The following SLC7A14 variants were observed in gnomAD, a reference collection of about 807,000 sequenced individuals.
SLC7A14 encodes the protein gamma-aminobutyric acid transporter SLC7A14.
Under a neutral mutation model 60.2 loss-of-function variants are expected in SLC7A14, and 37 were observed. The ratio of observed to expected loss-of-function variants is 0.61; its 90% CI spans 0.47 to 0.81. The LOEUF is 0.81. Among genes scored for constraint, SLC7A14 ranks in the 30% least tolerant of loss-of-function variants. The pLI is 0.00. For missense variants in SLC7A14, 886 were observed against 982.7 expected (o/e 0.90, Z 1.32); for synonymous variants, 399 against 395.8 (o/e 1.01, Z -0.10).
At chr3:170,497,318 A>C (rs1220480351) in intron 4 of SLC7A14, among the ~76,000 whole-genome samples, 3 of 152,142 alleles carry the variant, frequency 2.0e-5, no homozygotes. Context: ...TATTCATTTC[A>C]AAGAGGAGGG....
chr3:170,519,855 C>T (rs1213201241), intron 2 of SLC7A14, among the ~76,000 whole-genome samples: 1 of 152,168 alleles, frequency 6.6e-6, no homozygotes, highest in Non-Finnish European at 1.5e-5. Flanking sequence ...TTCTTTCTGC[C>T]TTCTGGAACT....
rs753289366 is a variant in SLC7A14 at position 170,467,079 on chromosome 3, A to T, written c.2292T>A (p.Asp764Glu). The change falls in exon 8 of 8, where the codon GAT becomes GAA. Residue 764 changes from aspartate to glutamate, a missense_variant. By Grantham distance (45) the Asp-to-Glu change is conservative. Transcript: ENST00000231706. ...CCTACTCTGGAGAGTAATCTAACTC[A>T]TCATTTGCAATCAGGGCCTCTGAGT... ...KQNSEALIAN[D>E]ELDYSPE is the part of the protein sequence containing the mutation. 3 of 1,612,406 alleles carry T rather than the reference A, an allele frequency of 1.9e-6. No individual in the cohort carries two copies. The Admixed American group carries it at 5.0e-5, about 27-fold the overall frequency.
chr3:170,512,789 A>G (rs962683531), intron 2 of SLC7A14, among the ~76,000 whole-genome samples: 5 of 145,490 alleles, frequency 3.4e-5, no homozygotes, highest in South Asian at 2.2e-4. Flanking sequence ...TCAGCCTCCC[A>G]AGTAGCTGGG....
chr3:170,486,740 C>G (rs139673293), intron 4 of SLC7A14, among the ~76,000 whole-genome samples: 1 of 151,870 alleles, frequency 6.6e-6, no homozygotes, highest in Non-Finnish European at 1.5e-5. Context: ...GGCATGGTGA[C>G]GCGCACCTGT....
At chr3:170,507,187 C>T (rs188683354) in intron 2 of SLC7A14, among the ~76,000 whole-genome samples, 17 of 132,530 alleles carry the variant, frequency 1.3e-4, no homozygotes. Flanking sequence ...GCTCATTTAA[C>T]AGTTTCCCAA....
At chr3:170,492,590 T>A (rs1019346664) in intron 4 of SLC7A14, among the ~76,000 whole-genome samples, 2 of 152,212 alleles carry the variant, frequency 1.3e-5, no homozygotes, top group African/African-American at 4.8e-5. Flanking sequence ...AGCCAGCTGA[T>A]CCAGAACAGA....
chr3:170,568,364 C>T (rs895786512), intron 1 of SLC7A14, among the ~76,000 whole-genome samples: 2 of 152,180 alleles, frequency 1.3e-5, no homozygotes, highest in African/African-American at 2.4e-5. Flanking sequence ...TTCCATTGAT[C>T]TATATCTCTG....
intron 4 of SLC7A14, among the ~76,000 whole-genome samples, chr3:170,492,098 G>A (rs979219416): frequency 6.6e-6 from 1 of 152,162 alleles, no homozygotes; most frequent in Non-Finnish European, 1.5e-5. Context: ...TCTACCCAAA[G>A]AACCACTGAA....
chr3:170,496,309 C>T, intron 4 of SLC7A14: 1 of 1,023,872 alleles, frequency 9.8e-7, no homozygotes, highest in South Asian at 1.3e-5. Context: ...CAGACGCTGG[C>T]TGGCAAGCAC....
intron 1 of SLC7A14, among the ~76,000 whole-genome samples, chr3:170,573,521 G>A (rs1715005899): frequency 1.3e-5 from 2 of 152,206 alleles, no homozygotes. Flanking sequence ...CAAAGATTTG[G>A]TAAGGGGCTT....
At chr3:170,481,259 G>A in intron 6 of SLC7A14, 93 bp from the exon 7 acceptor site, 1 of 1,352,066 alleles carries the variant, frequency 7.4e-7, no homozygotes, top group South Asian at 1.5e-5. Flanking sequence ...TCAATAGGCT[G>A]GTGTGATTAA....
chr3:170,550,914 C>A (rs1470860784), intron 1 of SLC7A14, among the ~76,000 whole-genome samples: 2 of 152,098 alleles, frequency 1.3e-5, no homozygotes, highest in Non-Finnish European at 2.9e-5. Context: ...CTATAAAATT[C>A]ATCCTTTTAA....
At chr3:170,472,281 A>G (rs1419576538) in intron 7 of SLC7A14, among the ~76,000 whole-genome samples, 1 of 149,828 alleles carries the variant, frequency 6.7e-6, no homozygotes, top group African/African-American at 2.5e-5. Context: ...AGGCAGGAGA[A>G]CTGCTTGAAC....
At chr3:170,566,831 AG>A (rs1167358437) in intron 1 of SLC7A14, among the ~76,000 whole-genome samples, 2 of 152,066 alleles carry the variant, frequency 1.3e-5, no homozygotes, top group African/African-American at 4.8e-5. Flanking sequence ...AAAGAGAAAA[AG>A]AAAAGAAAAA....
At chr3:170,584,076 G>A (rs1220070198) in intron 1 of SLC7A14, among the ~76,000 whole-genome samples, 1 of 152,190 alleles carries the variant, frequency 6.6e-6, no homozygotes, top group Non-Finnish European at 1.5e-5. Flanking sequence ...CCTTCTCTGT[G>A]TGATACTTTT....
chr3:170,490,385 C>T (rs556395930), intron 4 of SLC7A14, among the ~76,000 whole-genome samples: 1 of 152,290 alleles, frequency 6.6e-6, no homozygotes, highest in Admixed American at 6.5e-5. Context: ...CATACACATG[C>T]AAACACATAT....
chr3:170,529,029 G>A (rs542628390), intron 1 of SLC7A14, among the ~76,000 whole-genome samples: 9 of 152,222 alleles, frequency 5.9e-5, no homozygotes, highest in East Asian at 3.8e-4. Context: ...GATAGTGGAC[G>A]CCAAATCACA....
chr3:170,468,968 C>T (rs1015959770), intron 7 of SLC7A14, among the ~76,000 whole-genome samples: 5 of 152,172 alleles, frequency 3.3e-5, no homozygotes, highest in Admixed American at 1.3e-4. Context: ...ATAACCCAAG[C>T]ATAGGTATGT....
At chr3:170,554,865 T>C (rs1289587746) in intron 1 of SLC7A14, among the ~76,000 whole-genome samples, 1 of 152,144 alleles carries the variant, frequency 6.6e-6, no homozygotes, top group African/African-American at 2.4e-5. Flanking sequence ...TGCCAAGCAC[T>C]TTTAAAAAAA....
Sources: gnomAD v4.1 joint callset for allele counts (sites outside exome capture counted in the v4.1 genomes callset) on GRCh38, gnomAD v4.1.1 for gene constraint, MANE v1.5 for transcripts, NCBI Gene and HGNC (gene_info 2026-07-23, HGNC 2026-07-21) for gene names.